INAVA: variants seen among roughly 807,000 people sequenced by gnomAD.
INAVA encodes innate immunity activator protein.
Under a neutral mutation model 55.3 loss-of-function variants are expected in INAVA, and 32 were observed. That is an observed-to-expected ratio of 0.58 (90% CI 0.44 to 0.78). The LOEUF is 0.78. INAVA is among the 30% of genes least tolerant of loss of function. The pLI is 0.00. For synonymous variants in INAVA, 294 were observed against 329.4 expected, an observed-to-expected ratio of 0.89 and a Z score of 1.16; for missense variants, 756 against 786.4, an observed-to-expected ratio of 0.96 and a Z score of 0.46.
chr1:200,898,332 C>A lies in INAVA; in HGVS notation c.-69C>A, dbSNP rs2102301962. The A allele has an allele frequency of 6.2e-7, 1 of 1,613,206 alleles. No homozygotes were observed. Among genetic ancestry groups the A allele is most frequent in the East Asian group, 2.2e-5 (1 of 44,886 alleles). ...CTGGGGAAGCTCCAGGCTACCTACACAACCTGGCCCAGGCTGGTCACGGTG... is the reference window on the plus strand; with the variant it reads ...CTGGGGAAGCTCCAGGCTACCTACAAAACCTGGCCCAGGCTGGTCACGGTG... On this transcript the variant is annotated 5_prime_UTR_variant, in exon 2 of 10. Transcript: ENST00000413687.
chr1:200,909,312 G>A lies in INAVA; in HGVS notation c.874G>A (p.Gly292Ser), dbSNP rs751313785. 3 of 1,612,340 alleles carry A rather than the reference G, an allele frequency of 1.9e-6. No individual in the cohort carries two copies. The Admixed American group carries it at 5.0e-5, about 27-fold the overall frequency. ...CTCCTACCACGTGGTTCCCATCCGTGGTGTTCCTGGCCAGTGGCAGGGCCG... is the reference window on the plus strand; with the variant it reads ...CTCCTACCACGTGGTTCCCATCCGTAGTGTTCCTGGCCAGTGGCAGGGCCG... ...PASYHVVPIR[G>S]VPGQWQGRTS... The change falls in exon 8 of 10, where the codon GGT becomes AGT. Residue 292 changes from glycine (G) to serine (S), a missense_variant. By Grantham distance (56) the Gly-to-Ser change is moderately conservative. Coordinates refer to ENST00000413687, the MANE Select transcript of INAVA (RefSeq NM_001142569.3).
chr1:200,913,692 C>T lies in INAVA; in HGVS notation c.*63C>T, dbSNP rs113018758. Reference sequence around the variant, plus strand: ...GGGCTGGGCTGAGACCCCCCCACCCCTGAGTGCCTCTTTCAGCTCCCCCAT... The same window carrying T: ...GGGCTGGGCTGAGACCCCCCCACCCTTGAGTGCCTCTTTCAGCTCCCCCAT... On this transcript the variant is annotated 3_prime_UTR_variant, in exon 10 of 10. Transcript: ENST00000413687. 1.0e-4 allele frequency: 135 copies of T among 1,343,664 alleles called. 4 individuals are homozygous for T. In the African/African-American group the frequency reaches 1.4e-3, roughly 14 times the overall value. The allele number at this position is 1,343,664 out of a possible 1,614,324, so 83.2% of individuals were successfully genotyped here.
At chr1:200,891,579 G>T (rs140682903), upstream of INAVA, 6 of 1,595,272 alleles carry the variant, frequency 3.8e-6, no homozygotes, top group Non-Finnish European at 4.3e-6. Flanking sequence ...TACCTCCGGG[G>T]AGGGCAGGCC....
chr1:200,896,432 A>G (rs1351001655), intron 1 of INAVA, among the ~76,000 whole-genome samples: 1 of 152,182 alleles, frequency 6.6e-6, no homozygotes. Context: ...AGTTTGGGAC[A>G]GATGGACAGT....
rs750294260 is a variant in INAVA, at chr1:200,898,363, C to G, written c.-38C>G. The G allele has an allele frequency of 1.9e-5, 30 of 1,614,022 alleles. No individual in the cohort carries two copies. The Admixed American group carries it at 2.7e-4, about 14-fold the overall frequency. On this transcript the variant is annotated 5_prime_UTR_variant, in exon 2 of 10. Transcript: ENST00000413687. ...GGCCCAGGCTGGTCACGGTGTCCCC[C>G]CTCCCTGCTCTGTGCCCTCTCCTTC... is the stretch of plus-strand genomic sequence containing the variant.
intron 1 of INAVA, among the ~76,000 whole-genome samples, chr1:200,896,361 G>A (rs1328007015): frequency 6.9e-6 from 1 of 144,670 alleles, no homozygotes; most frequent in Non-Finnish European, 1.5e-5. Context: ...TAGGGTGGGT[G>A]GGAAGGGGTG....
rs938453656 is a variant in INAVA at position 200,898,360 on chromosome 1, C to T, written c.-41C>T. On this transcript the variant is annotated 5_prime_UTR_variant, in exon 2 of 10. Transcript: ENST00000413687. ...CCTGGCCCAGGCTGGTCACGGTGTC[C>T]CCCCTCCCTGCTCTGTGCCCTCTCC... 1 of 1,614,090 alleles carries T rather than the reference C, an allele frequency of 6.2e-7. No individual in the cohort carries two copies. Among genetic ancestry groups the T allele is most frequent in the Non-Finnish European group, 8.5e-7 (1 of 1,180,018 alleles).
Position 200,904,138 on chromosome 1 carries a change from G to T in INAVA, c.520+2979G>T, listed in dbSNP as rs190602049. On this transcript the variant is annotated intron_variant, in intron 5 of 9. Transcript: ENST00000413687. ...GAGTCTTGCTCTCTCATCCAGGCTG[G>T]AGTGCAGTGGAGCCATCTCAGCTCA... Among the ~76,000 whole-genome samples, 580 of 151,758 alleles carry T rather than the reference G, an allele frequency of 3.8e-3. 2 individuals carry two copies. Among genetic ancestry groups the T allele is most frequent in the Non-Finnish European group, 4.7e-3 (321 of 67,968 alleles).
Position 200,908,590 on chromosome 1 carries a change from G to A in INAVA, c.575-140G>A. ...GAAGAAAACATGTTTGAGCATCTAG[G>A]GCTGGAGCCATGGCCTGCAGCAGCT... is the stretch of plus-strand genomic sequence containing the variant. On this transcript the variant is annotated intron_variant, in intron 6 of 9. Coordinates refer to ENST00000413687, the MANE Select transcript of INAVA (RefSeq NM_001142569.3). 5.6e-6 allele frequency: 4 copies of A among 709,500 alleles called. No individual in the cohort carries two copies. The Admixed American group carries it at 7.8e-5, about 14-fold the overall frequency. 44.0% of individuals were successfully genotyped at this position (709,500 alleles called of 1,614,324 possible).
Position 200,908,791 on chromosome 1 carries a change from A to T in INAVA, c.636A>T (p.Pro212=). 1 of 1,612,084 alleles carries T rather than the reference A, an allele frequency of 6.2e-7. No homozygotes were observed. Among genetic ancestry groups the T allele is most frequent in the Non-Finnish European group, 8.5e-7 (1 of 1,179,158 alleles). ...ESPAPPSRPL[P]PQTLEGLQPT... Reference sequence around the variant, plus strand: ...CAGCCCCACCTTCTCGGCCTCTCCCACCCCAAACCCTTGAGGGTCTGCAGC... The same window carrying T: ...CAGCCCCACCTTCTCGGCCTCTCCCTCCCCAAACCCTTGAGGGTCTGCAGC... Residue 212 remains proline, a synonymous_variant, in exon 7 of 10, where the codon CCA becomes CCT. Transcript: ENST00000413687.
At chr1:200,900,795 TC>T (rs1653214615) in intron 4 of INAVA, 141 bp from the exon 5 acceptor site, 1 of 601,822 alleles carries the variant, frequency 1.7e-6, no homozygotes, top group Non-Finnish European at 2.8e-6. Context: ...TCCACGTCCG[TC>T]CATTGGTGCT....
chr1:200,893,472 C>T (rs1558225209), upstream of INAVA, among the ~76,000 whole-genome samples: 1 of 152,124 alleles, frequency 6.6e-6, no homozygotes, highest in East Asian at 1.9e-4. Context: ...AGAGTCAACC[C>T]CTCTCTGTTT....
chr1:200,900,807 G>T, intron 4 of INAVA, 130 bp from the exon 5 acceptor site: 1 of 646,050 alleles, frequency 1.5e-6, no homozygotes, highest in Non-Finnish European at 2.6e-6. Context: ...CATTGGTGCT[G>T]CTGTCTGCCT....
chr1:200,894,698 A>G, upstream of INAVA: 2 of 730,836 alleles, frequency 2.7e-6, no homozygotes, highest in Non-Finnish European at 3.3e-6. Context: ...GGCCATGAAG[A>G]CATGACTCTT....
upstream of INAVA, among the ~76,000 whole-genome samples, chr1:200,894,472 G>A (rs1668299259): frequency 6.6e-6 from 1 of 152,206 alleles, no homozygotes; most frequent in Non-Finnish European, 1.5e-5. Flanking sequence ...ATTTCCATAT[G>A]TGGGGAAGAG....
intron 6 of INAVA, chr1:200,908,473 G>A (rs1214947572): frequency 4.0e-5 from 15 of 378,620 alleles, no homozygotes; most frequent in Non-Finnish European, 7.0e-5. Flanking sequence ...AGAAAGTGGA[G>A]CACTGTAAGC....
intron 2 of INAVA, among the ~76,000 whole-genome samples, chr1:200,899,194 C>T (rs1653111748): frequency 6.6e-6 from 1 of 151,988 alleles, no homozygotes; most frequent in Non-Finnish European, 1.5e-5. Context: ...GGGGGGAGGA[C>T]TGCACCGGCA....
upstream of INAVA, chr1:200,891,533 C>T (rs1668238069): frequency 5.0e-6 from 8 of 1,605,644 alleles, no homozygotes; most frequent in South Asian, 3.3e-5. Flanking sequence ...GGATCTTTAA[C>T]ATTTGGGATG....
chr1:200,906,823 G>A (rs1391216139), intron 5 of INAVA, among the ~76,000 whole-genome samples: 1 of 152,124 alleles, frequency 6.6e-6, no homozygotes, highest in Non-Finnish European at 1.5e-5. Flanking sequence ...AAGTTAGAGT[G>A]AAATTCCCTT....
Sources: gnomAD v4.1 joint callset for allele counts (sites outside exome capture counted in the v4.1 genomes callset) on GRCh38, gnomAD v4.1.1 for gene constraint, MANE v1.5 for transcripts, NCBI Gene and HGNC (gene_info 2026-07-23, HGNC 2026-07-21) for gene names.